The following KAT7 variants were observed in gnomAD, a reference collection of about 807,000 sequenced individuals.
KAT7 encodes the protein lysine acetyltransferase 7.
KAT7 carries 10 observed loss-of-function variants against 82.1 expected under a neutral mutation model. The ratio of observed to expected loss-of-function variants is 0.12; its 90% CI spans 0.08 to 0.21. KAT7 has a LOEUF of 0.21. Among genes scored for constraint, KAT7 ranks in the 10% least tolerant of loss-of-function variants. The pLI is 1.00. For synonymous variants in KAT7, 250 were observed against 262.5 expected, an observed-to-expected ratio of 0.95 and a Z score of 0.46; for missense variants, 378 against 760.9, an observed-to-expected ratio of 0.50 and a Z score of 5.92.
chr17:49,826,824 T>C (rs1306336196), intron 14 of KAT7, 25 bp downstream of exon 14: 1 of 1,458,576 alleles, frequency 6.9e-7, no homozygotes, highest in South Asian at 1.1e-5. Flanking sequence ...AGGGGCTTGC[T>C]CATTGCTGGA....
rs555094683 is a variant in KAT7, at chr17:49,829,101, G to A, written c.*1599G>A. On this transcript the variant is annotated 3_prime_UTR_variant, in exon 15 of 15. Coordinates refer to ENST00000259021, the MANE Select transcript of KAT7 (RefSeq NM_007067.5). ...TAAAGCATGTTCTCTGCTCAAGTCT[G>A]TTTCATCTGGGGGCTCTCATTTATA... 6.6e-6 allele frequency: 1 copy of A among 152,594 alleles called. No individual in the cohort carries two copies. The allele number at this position is 152,594 out of a possible 1,614,324, so 9.5% of individuals were successfully genotyped here.
At chr17:49,820,166 T>G (rs1255229989) in intron 9 of KAT7, among the ~76,000 whole-genome samples, 1 of 152,252 alleles carries the variant, frequency 6.6e-6, no homozygotes, top group East Asian at 1.9e-4. Flanking sequence ...GGAGGATCTT[T>G]TGAGCCCAGG....
At chr17:49,803,981 C>T (rs1039752882) in intron 4 of KAT7, among the ~76,000 whole-genome samples, 3 of 151,634 alleles carry the variant, frequency 2.0e-5, no homozygotes, top group Admixed American at 6.6e-5. Context: ...TGTCCTATGA[C>T]CCCTTTCAAT....
At chr17:49,809,757 T>C (rs905743048) in intron 6 of KAT7, among the ~76,000 whole-genome samples, 1 of 152,214 alleles carries the variant, frequency 6.6e-6, no homozygotes, top group Non-Finnish European at 1.5e-5. Context: ...TCTTCCTGTT[T>C]TCCTGCCTGG....
rs1026357616 is a variant in KAT7 at position 49,798,316 on chromosome 17, T to C, written c.341-3T>C. The C allele has an allele frequency of 6.2e-7, 1 of 1,612,642 alleles. No homozygotes were observed. Among genetic ancestry groups the C allele is most frequent in the Non-Finnish European group, 8.5e-7 (1 of 1,178,802 alleles). ...TAACTTCTACCAATTGCTTTTGCTT[T>C]AGAAACTAAAAATACAGCTGATCAT... is the stretch of plus-strand genomic sequence containing the variant. On this transcript the variant is annotated splice_region_variant and splice_polypyrimidine_tract_variant and intron_variant, in intron 3 of 14. Coordinates refer to ENST00000259021, the MANE Select transcript of KAT7 (RefSeq NM_007067.5).
chr17:49,805,326 C>G, intron 4 of KAT7, 37 bp from the exon 5 acceptor site: 2 of 1,413,392 alleles, frequency 1.4e-6, no homozygotes, highest in Non-Finnish European at 2.0e-6. Context: ...CTAAGCTTGT[C>G]TTCTTTCTTG....
intron 4 of KAT7, 71 bp downstream of exon 4, chr17:49,798,629 T>A: frequency 6.7e-7 from 1 of 1,487,920 alleles, no homozygotes. Context: ...CAGAAATGTT[T>A]TGTGTTCTGT....
At position 49,815,897 on chromosome 17, in the gene KAT7, G is replaced by A. The variant is rs201695121; in HGVS notation, c.947G>A (p.Arg316Gln). The A allele has an allele frequency of 7.4e-6, 12 of 1,611,692 alleles. 1 individual carries two copies. Among genetic ancestry groups the A allele is most frequent in the South Asian group, 5.5e-5 (5 of 91,004 alleles). Residue 316 changes from arginine (R) to glutamine (Q), a missense_variant, in exon 8 of 15, where the codon CGG becomes CAG. By Grantham distance (43) the Arg-to-Gln change is conservative (BLOSUM62 1). This residue lies in a region of KAT7 where 102 missense variants were observed against 129.8 expected (regional missense o/e 0.79). Coordinates refer to ENST00000259021, the MANE Select transcript of KAT7 (RefSeq NM_007067.5). ...GATCTTTTCCGAAGAGCACAAGCCC[G>A]GGCTTCAGAGGATTTGGTGAGTATT... is the stretch of plus-strand genomic sequence containing the variant. Reference protein sequence around the residue: ...DLDLFRRAQARASEDLEKLRL... With the variant: ...DLDLFRRAQAQASEDLEKLRL...
intron 4 of KAT7, 59 bp downstream of exon 4, chr17:49,798,617 T>C: frequency 6.6e-7 from 1 of 1,522,172 alleles, no homozygotes; most frequent in Non-Finnish European, 8.9e-7. Flanking sequence ...CCCAGGATCA[T>C]CCAGAAATGT....
intron 5 of KAT7, among the ~76,000 whole-genome samples, chr17:49,808,316 C>T (rs527445814): frequency 4.0e-5 from 6 of 151,844 alleles, no homozygotes; most frequent in African/African-American, 1.2e-4. Flanking sequence ...GACGGGGTTT[C>T]ACCATGTTGC....
Position 49,827,645 on chromosome 17 carries a change from C to T in KAT7, c.*143C>T, listed in dbSNP as rs2074383950. 3.2e-6 allele frequency: 2 copies of T among 631,822 alleles called. No homozygotes were observed. The highest frequency in any genetic ancestry group is 5.7e-6 in the Non-Finnish European group (2 of 352,438). 39.1% of individuals were successfully genotyped at this position (631,822 alleles called of 1,614,324 possible). The stretch of plus-strand genomic sequence containing the variant: ...CATCCCCCTCAGGACTGTCCTGGCT[C>T]CGACCTTTGTGTACACTGCAGACGC... On this transcript the variant is annotated 3_prime_UTR_variant, in exon 15 of 15. Coordinates refer to ENST00000259021, the MANE Select transcript of KAT7 (RefSeq NM_007067.5).
In KAT7 at chr17:49,832,352, C is replaced by T. The variant is rs560977630; in HGVS notation, c.*4850C>T. On this transcript the variant is annotated 3_prime_UTR_variant, in exon 15 of 15. Coordinates refer to ENST00000259021, the MANE Select transcript of KAT7 (RefSeq NM_007067.5). ...TTTGTACTGATTTGTCCCTATAGTT[C>T]TGGGTGGGGTGGGTCAAAACAAAGT... 2.0e-5 allele frequency: 3 copies of T among 152,340 alleles called. No homozygotes were observed. In the East Asian group the frequency reaches 5.8e-4, roughly 29 times the overall value. 9.4% of individuals were successfully genotyped at this position (152,340 alleles called of 1,614,324 possible). A position where few individuals can be genotyped will look rare whatever the true frequency, so the allele number is the denominator to read the frequency against.
chr17:49,800,352 A>G lies in KAT7; in HGVS notation c.580+1794A>G, dbSNP rs1332721700. On this transcript the variant is annotated intron_variant, in intron 4 of 14. Transcript: ENST00000259021. ...GCAGTTTCTCAGATAATTTCAAACCATCGGAATAAATACAGCAAAGTTGTC... is the reference window on the plus strand; with the variant it reads ...GCAGTTTCTCAGATAATTTCAAACCGTCGGAATAAATACAGCAAAGTTGTC... 1.3e-5 allele frequency among the ~76,000 whole-genome samples: 2 copies of G among 152,174 alleles called. 1 individual carries two copies. The highest frequency in any genetic ancestry group is 2.9e-5 in the Non-Finnish European group (2 of 68,032).
intron 6 of KAT7, among the ~76,000 whole-genome samples, chr17:49,811,116 T>G (rs1342690030): frequency 2.0e-5 from 3 of 151,872 alleles, no homozygotes; most frequent in Non-Finnish European, 4.4e-5. Flanking sequence ...TTCTTTTTTT[T>G]TTTTGTTTTT....
At chr17:49,812,762 G>T (rs1292365360) in intron 7 of KAT7, among the ~76,000 whole-genome samples, 3 of 151,992 alleles carry the variant, frequency 2.0e-5, no homozygotes, top group Non-Finnish European at 4.4e-5. Context: ...GGAGTGCAGT[G>T]GTGCGATCTT....
chr17:49,788,984 C>T (rs1490101766), intron 1 of KAT7, 135 bp downstream of exon 1: 10 of 752,728 alleles, frequency 1.3e-5, no homozygotes, highest in African/African-American at 1.8e-5. Flanking sequence ...ACCCTCTCTT[C>T]TGTCCATACC....
At chr17:49,799,461 A>C (rs557602262) in intron 4 of KAT7, among the ~76,000 whole-genome samples, 4 of 149,210 alleles carry the variant, frequency 2.7e-5, no homozygotes, top group Non-Finnish European at 6.0e-5. Context: ...GCTCACTGCA[A>C]CCTCCGCCTC....
In KAT7 at chr17:49,821,646, C is replaced by T. The variant is rs775012808; in HGVS notation, c.1246-4C>T. On this transcript the variant is annotated splice_region_variant and splice_polypyrimidine_tract_variant and intron_variant, in intron 10 of 14. Coordinates refer to ENST00000259021, the MANE Select transcript of KAT7 (RefSeq NM_007067.5). The stretch of plus-strand genomic sequence containing the variant: ...ACACATGAACTCTGTTTCTCTGCTT[C>T]CAGATCTACTGCCAAAACCTGTGCC... 2 of 1,612,864 alleles carry T rather than the reference C, an allele frequency of 1.2e-6. No homozygotes were observed. Among genetic ancestry groups the T allele is most frequent in the South Asian group, 1.1e-5 (1 of 91,018 alleles).
At chr17:49,825,330 T>A (rs2074355955) in intron 12 of KAT7, among the ~76,000 whole-genome samples, 2 of 152,220 alleles carry the variant, frequency 1.3e-5, no homozygotes, top group Admixed American at 1.3e-4. Flanking sequence ...TTCAAAGATT[T>A]AAAAAATACT....
Sources: gnomAD v4.1 joint callset for allele counts (sites outside exome capture counted in the v4.1 genomes callset) on GRCh38, gnomAD v4.1.1 for gene constraint, gnomAD v4.1.1 regional missense constraint, MANE v1.5 for transcripts, NCBI Gene and HGNC (gene_info 2026-07-23, HGNC 2026-07-21) for gene names.